STK33: variants seen among roughly 807,000 people sequenced by gnomAD.
STK33 encodes the protein serine/threonine kinase 33.
In STK33, 52 loss-of-function variants were observed where a neutral mutation model predicts 58.0. That is an observed-to-expected ratio of 0.90 (90% CI 0.72 to 1.13). The LOEUF is 1.13. Ranked by LOEUF, STK33 falls within the 50% of genes most tolerant of loss-of-function variation. The pLI, the probability that STK33 is intolerant of heterozygous loss-of-function variation, is 0.00. For synonymous variants in STK33, 215 were observed against 200.1 expected, an observed-to-expected ratio of 1.07 and a Z score of -0.63; for missense variants, 630 against 604.2, an observed-to-expected ratio of 1.04 and a Z score of -0.45.
At chr11:8,580,854 T>G (rs1410335119) in intron 1 of STK33, 1 of 152,148 alleles carries the variant, frequency 6.6e-6, no homozygotes, top group African/African-American at 2.4e-5. Flanking sequence ...CCCCTCTGAA[T>G]TCCAGCTACT....
chr11:8,394,470 TAATATTCTATCGAGCAGG>T (rs1849011922), intron 15 of STK33, among the ~76,000 whole-genome samples: 5 of 152,246 alleles, frequency 3.3e-5, no homozygotes, highest in Admixed American at 3.3e-4. Flanking sequence ...CCACTACAAC[TAATATTCTATCGAGCAGG>T]AATAAAGATT....
At chr11:8,450,589 G>T (rs1946153625) in intron 11 of STK33, among the ~76,000 whole-genome samples, 1 of 150,950 alleles carries the variant, frequency 6.6e-6, no homozygotes, top group African/African-American at 2.4e-5. Context: ...AATAAAAAAA[G>T]TTCATGATTT....
the STK33 span, among the ~76,000 whole-genome samples, chr11:8,356,160 T>C: frequency 1.7e-4 from 26 of 152,190 alleles, no homozygotes; most frequent in African/African-American, 6.3e-4. Flanking sequence ...TGCTGAAAAT[T>C]GAGTGGGACT....
chr11:8,539,004 AAT>A (rs1477449052), intron 1 of STK33, among the ~76,000 whole-genome samples: 1 of 152,184 alleles, frequency 6.6e-6, no homozygotes, highest in East Asian at 1.9e-4. Context: ...TATTACTGAT[AAT>A]ATAAACTGGG....
Position 8,470,941 on chromosome 11 carries a change from C to A in STK33, c.339+2222G>T, listed in dbSNP as rs140399487. Among the ~76,000 whole-genome samples the A allele has an allele frequency of 4.7e-3, 717 of 152,236 alleles. 2 individuals carry two copies. Among genetic ancestry groups the A allele is most frequent in the African/African-American group, 0.016 (669 of 41,544 alleles). ...CTGTGAGAATTACCAAAATGTGACA[C>A]AAAGGCACAAAATGAGCACATGCTG... On this transcript the variant is annotated intron_variant, in intron 6 of 15. Transcript: ENST00000687296.
At chr11:8,491,583 A>C (rs539915009) in intron 1 of STK33, among the ~76,000 whole-genome samples, 4 of 152,330 alleles carry the variant, frequency 2.6e-5, no homozygotes, top group Admixed American at 2.0e-4. Context: ...AAATTCAGGA[A>C]ATACAGAGAA....
chr11:8,511,691 A>G (rs1952339429), intron 1 of STK33, among the ~76,000 whole-genome samples: 2 of 152,134 alleles, frequency 1.3e-5, no homozygotes, highest in Admixed American at 1.3e-4. Context: ...TCATAAAGAG[A>G]TGCTGGATTT....
intron 12 of STK33, among the ~76,000 whole-genome samples, chr11:8,438,269 A>C (rs1944321660): frequency 6.6e-6 from 1 of 152,228 alleles, no homozygotes; most frequent in African/African-American, 2.4e-5. Context: ...CATCCAGAAA[A>C]GGGAATCCAA....
chr11:8,392,703 G>A lies in STK33; in HGVS notation c.1352C>T (p.Ala451Val). ...SDEEEEKQST[A>V]YEKQFPATSK... is the part of the protein sequence containing the mutation. ...GGTTGCAGGAAATTGCTTTTCATAAGCAGTAGACTGCAAATAAAAGGTCTT... is the reference window on the plus strand; with the variant it reads ...GGTTGCAGGAAATTGCTTTTCATAAACAGTAGACTGCAAATAAAAGGTCTT... Residue 451 changes from alanine to valine, a missense_variant, in exon 16 of 16, where the codon GCT becomes GTT. Transcript: ENST00000687296. The A allele has an allele frequency of 6.2e-7, 1 of 1,614,134 alleles. No individual in the cohort carries two copies. Among genetic ancestry groups the A allele is most frequent in the Non-Finnish European group, 8.5e-7 (1 of 1,179,996 alleles).
intron 14 of STK33, among the ~76,000 whole-genome samples, chr11:8,424,278 G>A (rs1259061786): frequency 1.3e-5 from 2 of 150,920 alleles, no homozygotes; most frequent in Non-Finnish European, 3.0e-5. Flanking sequence ...TGAGAATGAT[G>A]GTTTCCAGCT....
intron 1 of STK33, among the ~76,000 whole-genome samples, chr11:8,545,550 T>C (rs1955845363): frequency 6.6e-6 from 1 of 152,202 alleles, no homozygotes. Flanking sequence ...AAGTACTCTT[T>C]AAGGGCAATC....
At chr11:8,383,921 C>T in the STK33 span, among the ~76,000 whole-genome samples, 1 of 152,146 alleles carries the variant, frequency 6.6e-6, no homozygotes, top group Non-Finnish European at 1.5e-5. Flanking sequence ...CATCCTTCTC[C>T]ACCTTAGGGC....
chr11:8,518,512 T>G (rs904228934), intron 1 of STK33, among the ~76,000 whole-genome samples: 2 of 152,168 alleles, frequency 1.3e-5, no homozygotes, highest in Admixed American at 1.3e-4. Flanking sequence ...TAAATGTAAA[T>G]GGGCTAAATG....
intron 1 of STK33, among the ~76,000 whole-genome samples, chr11:8,518,476 A>T (rs187855680): frequency 4.3e-4 from 66 of 152,374 alleles, no homozygotes; most frequent in African/African-American, 1.2e-3. Context: ...TGACAGGATC[A>T]AATTCACACA....
chr11:8,458,801 C>A, intron 8 of STK33, among the ~76,000 whole-genome samples: 1 of 152,128 alleles, frequency 6.6e-6, no homozygotes, highest in Non-Finnish European at 1.5e-5. Context: ...ACCTATGCTG[C>A]TAGATTTTTG....
At chr11:8,444,605 A>C (rs1945182403) in intron 11 of STK33, among the ~76,000 whole-genome samples, 1 of 152,202 alleles carries the variant, frequency 6.6e-6, no homozygotes, top group Admixed American at 6.5e-5. Context: ...TTATAGGAGA[A>C]TATAACCACA....
the STK33 span, among the ~76,000 whole-genome samples, chr11:8,376,608 C>G: frequency 1.3e-5 from 2 of 151,810 alleles, no homozygotes; most frequent in African/African-American, 4.8e-5. Flanking sequence ...GTGGCATGAT[C>G]TCAGCTCACT....
chr11:8,457,383 T>C lies in STK33; in HGVS notation c.655A>G (p.Ile219Val). The C allele has an allele frequency of 6.2e-7, 1 of 1,606,444 alleles. No individual in the cohort carries two copies. The highest frequency in any genetic ancestry group is 8.5e-7 in the Non-Finnish European group (1 of 1,174,602). Residue 219 changes from isoleucine to valine, a missense_variant, in exon 9 of 16, where the codon ATT (isoleucine) becomes GTT (valine). By Grantham distance (29) the Ile-to-Val change is conservative (BLOSUM62 3). Transcript: ENST00000687296. ...GCTATAGCTGATGCGAGACTTTGAA[T>C]GATCCACCTTGTCTCATTCTCTGAG... ...HFSENETRWI[I>V]QSLASAIAYL... is the part of the protein sequence containing the mutation.
At chr11:8,588,307 A>C (rs1032075203) in intron 1 of STK33, among the ~76,000 whole-genome samples, 1 of 152,316 alleles carries the variant, frequency 6.6e-6, no homozygotes, top group African/African-American at 2.4e-5. Context: ...TCCTGTTAGC[A>C]ATATGGAATG....
Sources: gnomAD v4.1 joint callset for allele counts (sites outside exome capture counted in the v4.1 genomes callset) on GRCh38, gnomAD v4.1.1 for gene constraint, MANE v1.5 for transcripts, NCBI Gene and HGNC (gene_info 2026-07-23, HGNC 2026-07-21) for gene names.